Variants in FMR1 observed in about 807,000 individuals in gnomAD.
FMR1 encodes fragile X messenger ribonucleoprotein 1.
Under a neutral mutation model 50.6 loss-of-function variants are expected in FMR1, and 13 were observed. The ratio of observed to expected loss-of-function variants is 0.26; its 90% CI spans 0.17 to 0.41. FMR1 has a LOEUF of 0.41. FMR1 is among the 10% of genes least tolerant of loss of function. The probability of loss-of-function intolerance (pLI) is 1.00; values close to 1 mark genes in which losing one functional copy is unlikely to be tolerated. For missense variants in FMR1, 316 were observed against 491.3 expected, an observed-to-expected ratio of 0.64 and a Z score of 3.37; for synonymous variants, 138 against 164.1, an observed-to-expected ratio of 0.84 and a Z score of 1.22.
At chrX:147,944,834 T>A in intron 14 of FMR1, 35 bp from the exon 15 acceptor site, 1 of 1,176,523 alleles carries the variant, frequency 8.5e-7, no homozygotes, top group African/African-American at 1.9e-5. Flanking sequence ...TTTTTTAAAG[T>A]CAGACAATGG....
intron 16 of FMR1, chrX:147,946,840 G>A (rs918083434): frequency 1.8e-5 from 2 of 112,285 alleles, no homozygotes; most frequent in South Asian, 7.3e-4. Context: ...AATATTTCTT[G>A]GAATTCATAG....
chrX:147,941,747 A>C (rs1419053146), intron 13 of FMR1, among the ~76,000 whole-genome samples: 1 of 111,648 alleles, frequency 9.0e-6, no homozygotes, highest in African/African-American at 3.3e-5. Flanking sequence ...AATCATCATG[A>C]AGGCCTGGAG....
intron 10 of FMR1, among the ~76,000 whole-genome samples, chrX:147,936,898 G>T (rs2043807175): frequency 9.0e-6 from 1 of 111,275 alleles, no homozygotes; most frequent in African/African-American, 3.3e-5. Context: ...GAGTGTTAAT[G>T]GCAATTTAAT....
At chrX:147,937,969 A>G in intron 11 of FMR1, 130 bp from the exon 12 acceptor site, 1 of 578,561 alleles carries the variant, frequency 1.7e-6, no homozygotes. Context: ...TTAGAAACTA[A>G]TTTTCTCTGT....
rs1218575133 is a variant in FMR1 at position 147,944,405 on chromosome X, C to T, written c.1472-464C>T. The T allele has an allele frequency of 4.0e-6, 3 of 751,790 alleles. No individual in the cohort carries two copies. In the Admixed American group the frequency reaches 2.7e-4, roughly 67 times the overall value. The allele number at this position is 751,790 out of a possible 1,213,427, so 62.0% of individuals were successfully genotyped here. A position where few individuals can be genotyped will look rare whatever the true frequency, so the allele number is the denominator to read the frequency against. ...TCCCTGAAGCAGTTGCCATGGTGGC[C>T]TCCTTTGCCACCCTCTCAGAAATGA... On this transcript the variant is annotated intron_variant, in intron 14 of 16. Coordinates refer to ENST00000370475, the MANE Select transcript of FMR1 (RefSeq NM_002024.6).
At chrX:147,920,095 G>A (rs145821103) in intron 1 of FMR1, among the ~76,000 whole-genome samples, 5 of 112,046 alleles carry the variant, frequency 4.5e-5, no homozygotes, top group East Asian at 5.6e-4. Flanking sequence ...AACATTCAGC[G>A]TCATGAGGAT....
chrX:147,936,416 A>G (rs782446757), intron 9 of FMR1, 88 bp from the exon 10 acceptor site: 25 of 581,031 alleles, frequency 4.3e-5, no homozygotes, highest in Non-Finnish European at 6.5e-5. Flanking sequence ...ATATCTATCT[A>G]TATGAATGTA....
Position 147,932,682 on chromosome X carries a change from T to G in FMR1, c.802-3T>G. On this transcript the variant is annotated splice_polypyrimidine_tract_variant and splice_region_variant and intron_variant, in intron 8 of 16. Coordinates refer to ENST00000370475, the MANE Select transcript of FMR1 (RefSeq NM_002024.6). Reference sequence around the variant, plus strand: ...TGTCTTAAAATGTTTCCCCTTTTATTAGGATCAGGATGCAGTGAAAAAAGC... The same window carrying G: ...TGTCTTAAAATGTTTCCCCTTTTATGAGGATCAGGATGCAGTGAAAAAAGC... 8.3e-7 allele frequency: 1 copy of G among 1,207,114 alleles called. No individual in the cohort carries two copies. The highest frequency in any genetic ancestry group is 1.7e-5 in the African/African-American group (1 of 57,718).
At chrX:147,937,275 G>T (rs1557179793) in intron 10 of FMR1, among the ~76,000 whole-genome samples, 191 bp from the exon 11 acceptor site, 1 of 111,610 alleles carries the variant, frequency 9.0e-6, no homozygotes, top group African/African-American at 3.3e-5. Context: ...CTTTCTTTTT[G>T]AAAGATTCTT....
chrX:147,913,693 G>A (rs1289187181), intron 1 of FMR1: 1 of 111,900 alleles, frequency 8.9e-6, no homozygotes, highest in African/African-American at 3.3e-5. Flanking sequence ...GAGGCAAAAG[G>A]TAACCCCGCG....
rs1194296056 is a variant in FMR1, at chrX:147,912,102, C to CGGCGGCGGA, written c.-70_-69insAGGCGGCGG. 2.9e-5 allele frequency: 20 copies of CGGCGGCGGA among 684,130 alleles called. No individual in the cohort carries two copies. Among genetic ancestry groups the CGGCGGCGGA allele is most frequent in the East Asian group, 2.2e-4 (2 of 9,147 alleles). The allele number at this position is 684,130 out of a possible 1,213,427, so 56.4% of individuals were successfully genotyped here. A position where few individuals can be genotyped will look rare whatever the true frequency, so the allele number is the denominator to read the frequency against. On this transcript the variant is annotated 5_prime_UTR_variant, in exon 1 of 17. Transcript: ENST00000370475. ...GCGGAGGCGGCGGCGGCGGCGGCGG[C>CGGCGGCGGA]GGCGGCGGCTGGGCCTCGAGCGCCC...
chrX:147,942,381 G>A (rs1354637756), intron 13 of FMR1, among the ~76,000 whole-genome samples: 1 of 112,152 alleles, frequency 8.9e-6, no homozygotes, highest in East Asian at 2.8e-4. Flanking sequence ...CCAACATACT[G>A]GAAGTGCTTT....
rs1557174027 is a variant in FMR1, at chrX:147,912,236, T to G, written c.51+6T>G. On this transcript the variant is annotated splice_donor_region_variant and intron_variant, in intron 1 of 16. Transcript: ENST00000370475. ...CCAATGGCGCTTTCTACAAGGTACT[T>G]GGCTCTAGGGCAGGCCCCATCTTCG... 1.4e-5 allele frequency: 16 copies of G among 1,160,060 alleles called. No individual in the cohort carries two copies. The highest frequency in any genetic ancestry group is 3.3e-5 in the East Asian group (1 of 30,529).
intron 5 of FMR1, 42 bp from the exon 6 acceptor site, chrX:147,929,906 G>A (rs782494548): frequency 1.1e-6 from 1 of 871,326 alleles, no homozygotes; most frequent in East Asian, 3.2e-5. Flanking sequence ...TATGTCAGTA[G>A]TTGGTAATTA....
At chrX:147,942,106 AG>A (rs1445024739) in intron 13 of FMR1, among the ~76,000 whole-genome samples, 1 of 112,858 alleles carries the variant, frequency 8.9e-6, no homozygotes, top group Non-Finnish European at 1.9e-5. Flanking sequence ...TAATGATGGC[AG>A]AGCACAGATG....
At chrX:147,929,258 T>A (rs1406230578) in intron 5 of FMR1, among the ~76,000 whole-genome samples, 1 of 112,412 alleles carries the variant, frequency 8.9e-6, no homozygotes, top group African/African-American at 3.2e-5. Context: ...ATCCTTGATC[T>A]GGAATAATGC....
chrX:147,931,763 C>T (rs1471014906), intron 7 of FMR1, among the ~76,000 whole-genome samples: 4 of 111,788 alleles, frequency 3.6e-5, no homozygotes, highest in African/African-American at 9.7e-5. Context: ...CAAGGTCTTA[C>T]GGACTCTGGT....
rs374108589 is a variant in FMR1 at position 147,930,011 on chromosome X, T to C, written c.483T>C (p.Tyr161=). ...CAGTTGGTGCCTTTTCTGTAACTTA[T>C]GATCCAGAAAATTATCAGCTTGTCA... ...KKAVGAFSVT[Y]DPENYQLVIL... The change falls in exon 6 of 17, where the codon TAT becomes TAC. Residue 161 remains tyrosine (Y), a synonymous_variant. Coordinates refer to ENST00000370475, the MANE Select transcript of FMR1 (RefSeq NM_002024.6). 1.8e-4 allele frequency: 212 copies of C among 1,204,611 alleles called. 1 individual carries two copies. Among genetic ancestry groups the C allele is most frequent in the Admixed American group, 2.2e-5 (1 of 45,743 alleles).
At chrX:147,946,340 G>A (rs1052524507) in intron 16 of FMR1, among the ~76,000 whole-genome samples, 8 of 112,213 alleles carry the variant, frequency 7.1e-5, no homozygotes, top group Non-Finnish European at 3.8e-5. Context: ...GAAGGTGTCT[G>A]TCTTACAACT....
Sources: allele counts gnomAD v4.1 joint callset (sites outside exome capture counted in the v4.1 genomes callset), GRCh38; gene constraint gnomAD v4.1.1; transcripts MANE v1.5; gene names NCBI Gene and HGNC (gene_info 2026-07-23, HGNC 2026-07-21).